TMEM131L: variants seen among roughly 807,000 people sequenced by gnomAD.
TMEM131L encodes transmembrane 131 like.
In TMEM131L, 54 loss-of-function variants were observed where a neutral mutation model predicts 192.2. The observed-to-expected ratio is 0.28, with a 90% CI of 0.23 to 0.35. The LOEUF (loss-of-function observed/expected upper bound fraction) is 0.35. Among genes scored for constraint, TMEM131L ranks in the 10% least tolerant of loss-of-function variants. TMEM131L has a pLI of 1.00. For missense variants in TMEM131L, 1,888 were observed against 1,972.9 expected, an observed-to-expected ratio of 0.96 and a Z score of 0.82; for synonymous variants, 701 against 704.9, an observed-to-expected ratio of 0.99 and a Z score of 0.09.
rs1737492583 is a variant in TMEM131L, at chr4:153,550,066, T to C, written c.240-7T>C. 1.4e-6 allele frequency: 2 copies of C among 1,445,254 alleles called. No individual in the cohort carries two copies. Among genetic ancestry groups the C allele is most frequent in the Non-Finnish European group, 1.8e-6 (2 of 1,081,856 alleles). The allele number at this position is 1,445,254 out of a possible 1,614,324, so 89.5% of individuals were successfully genotyped here. A position where few individuals can be genotyped will look rare whatever the true frequency, so the allele number is the denominator to read the frequency against. On this transcript the variant is annotated splice_region_variant and splice_polypyrimidine_tract_variant and intron_variant, in intron 3 of 34. Coordinates refer to ENST00000409959, the MANE Select transcript of TMEM131L (RefSeq NM_001131007.2). ...CAACAAAATCAACCTCTCTTTTCTT[T>C]TTTTAGCTTCTCGGACAAACTATTT...
intron 3 of TMEM131L, among the ~76,000 whole-genome samples, chr4:153,482,601 T>G (rs988331626): frequency 2.0e-5 from 3 of 152,202 alleles, no homozygotes; most frequent in East Asian, 1.9e-4. Context: ...TTTATTTTAT[T>G]TATTTTTTGA....
Position 153,634,286 on chromosome 4 carries a change from G to A in TMEM131L, c.4417+6G>A. 1 of 1,600,984 alleles carries A rather than the reference G, an allele frequency of 6.2e-7. No individual in the cohort carries two copies. The highest frequency in any genetic ancestry group is 8.5e-7 in the Non-Finnish European group (1 of 1,172,800). On this transcript the variant is annotated splice_donor_region_variant and intron_variant, in intron 33 of 34. Coordinates refer to ENST00000409959, the MANE Select transcript of TMEM131L (RefSeq NM_001131007.2). Reference sequence around the variant, plus strand: ...TTACAATGCCTTTCCAGAAGGTAAGGGCTCTTCAGACAATCCCAACGCCAT... The same window carrying A: ...TTACAATGCCTTTCCAGAAGGTAAGAGCTCTTCAGACAATCCCAACGCCAT...
At chr4:153,507,148 ACAC>A (rs1734048557) in intron 3 of TMEM131L, among the ~76,000 whole-genome samples, 1 of 152,146 alleles carries the variant, frequency 6.6e-6, no homozygotes, top group Non-Finnish European at 1.5e-5. Context: ...GCCTTGAACA[ACAC>A]CACGGGAAGC....
intron 29 of TMEM131L, among the ~76,000 whole-genome samples, chr4:153,623,351 A>G (rs1188897742): frequency 6.6e-6 from 1 of 152,158 alleles, no homozygotes; most frequent in Admixed American, 6.5e-5. Context: ...TCATTTGTAC[A>G]TTCTTAATGA....
intron 3 of TMEM131L, among the ~76,000 whole-genome samples, chr4:153,517,859 G>A (rs1270286146): frequency 1.3e-5 from 2 of 152,164 alleles, no homozygotes; most frequent in Non-Finnish European, 2.9e-5. Flanking sequence ...CACCCAAATA[G>A]CCTCTCTCCT....
chr4:153,636,015 C>T (rs1170566398), intron 34 of TMEM131L, among the ~76,000 whole-genome samples: 1 of 152,102 alleles, frequency 6.6e-6, no homozygotes, highest in Non-Finnish European at 1.5e-5. Context: ...CCGATGGCTT[C>T]TCCTTTCACA....
intron 7 of TMEM131L, among the ~76,000 whole-genome samples, chr4:153,564,250 T>C (rs928057406): frequency 3.5e-5 from 5 of 141,980 alleles, no homozygotes; most frequent in African/African-American, 1.4e-4. Flanking sequence ...GATCATCTTA[T>C]TGCACTCCAG....
chr4:153,492,348 A>G (rs1419947060), intron 3 of TMEM131L, among the ~76,000 whole-genome samples: 1 of 152,232 alleles, frequency 6.6e-6, no homozygotes, highest in Non-Finnish European at 1.5e-5. Flanking sequence ...TAAATTAAAA[A>G]TAGAGTTTGA....
intron 10 of TMEM131L, 48 bp downstream of exon 10, chr4:153,583,296 C>A: frequency 1.0e-6 from 1 of 958,892 alleles, no homozygotes; most frequent in Non-Finnish European, 1.7e-6. Flanking sequence ...TGCAAGTGTG[C>A]ATTTAATTGT....
At chr4:153,560,803 A>G (rs754571492) in intron 7 of TMEM131L, among the ~76,000 whole-genome samples, 3 of 152,214 alleles carry the variant, frequency 2.0e-5, no homozygotes, top group Non-Finnish European at 4.4e-5. Context: ...CAATTGGTGG[A>G]CATTTGCGTT....
At chr4:153,475,756 TTTACATAGCATTC>T (rs1400327273) in intron 3 of TMEM131L, among the ~76,000 whole-genome samples, 1 of 152,180 alleles carries the variant, frequency 6.6e-6, no homozygotes, top group Non-Finnish European at 1.5e-5. Flanking sequence ...ATAAAAACTA[TTTACATAGCATTC>T]ACATTGTATT....
At chr4:153,572,967 C>T (rs1331273446) in intron 7 of TMEM131L, among the ~76,000 whole-genome samples, 1 of 152,114 alleles carries the variant, frequency 6.6e-6, no homozygotes, top group Non-Finnish European at 1.5e-5. Flanking sequence ...GTATTTGTCC[C>T]TTTGTGTTTG....
At chr4:153,484,150 G>A (rs1258790334) in intron 3 of TMEM131L, among the ~76,000 whole-genome samples, 4 of 152,168 alleles carry the variant, frequency 2.6e-5, no homozygotes, top group African/African-American at 9.7e-5. Flanking sequence ...ATTGTCACCA[G>A]AGTATTAGTT....
At chr4:153,466,707 C>G (rs918509723) in intron 1 of TMEM131L, among the ~76,000 whole-genome samples, 186 bp downstream of exon 1, 3 of 152,196 alleles carry the variant, frequency 2.0e-5, no homozygotes, top group African/African-American at 7.2e-5. Context: ...CCGCGCCTCT[C>G]TGCCCCGTAC....
intron 4 of TMEM131L, among the ~76,000 whole-genome samples, chr4:153,554,390 A>G (rs544193087): frequency 1.9e-4 from 29 of 152,238 alleles, no homozygotes; most frequent in Non-Finnish European, 3.8e-4. Context: ...GTTTTGAAAT[A>G]CACATTGGAT....
chr4:153,466,423 C>T lies in TMEM131L; in HGVS notation c.26C>T (p.Pro9Leu), dbSNP rs748096860. The part of the protein sequence containing the change: MAGLRRPQ[P>L]GCYCRTAAAV... ...ATGGCGGGGCTCCGACGCCCGCAGC[C>T]CGGCTGCTACTGCCGCACCGCGGCG... Residue 9 changes from proline (P) to leucine (L), a missense_variant, in exon 1 of 35, where the codon CCC (proline) becomes CTC (leucine). Coordinates refer to ENST00000409959, the MANE Select transcript of TMEM131L (RefSeq NM_001131007.2). The T allele has an allele frequency of 5.3e-5, 73 of 1,386,074 alleles. No individual in the cohort carries two copies. The highest frequency in any genetic ancestry group is 6.3e-5 in the Non-Finnish European group (67 of 1,062,392). 85.9% of individuals were successfully genotyped at this position (1,386,074 alleles called of 1,614,324 possible). A position where few individuals can be genotyped will look rare whatever the true frequency, so the allele number is the denominator to read the frequency against.
intron 3 of TMEM131L, among the ~76,000 whole-genome samples, chr4:153,497,027 G>C (rs1219252360): frequency 6.6e-6 from 1 of 151,438 alleles, no homozygotes; most frequent in East Asian, 1.9e-4. Flanking sequence ...TGCCCAGCTA[G>C]TTTTTGTGTT....
chr4:153,501,130 GA>G (rs1733575404), intron 3 of TMEM131L, among the ~76,000 whole-genome samples: 1 of 150,770 alleles, frequency 6.6e-6, no homozygotes, highest in South Asian at 2.1e-4. Context: ...AGAATAGCAA[GA>G]ATAATGACCA....
At chr4:153,553,018 G>A (rs1471502032) in intron 4 of TMEM131L, among the ~76,000 whole-genome samples, 2 of 150,930 alleles carry the variant, frequency 1.3e-5, no homozygotes, top group East Asian at 3.9e-4. Context: ...AACTGTATAT[G>A]ATACACTTTT....
Sources: gnomAD v4.1 joint callset for allele counts (sites outside exome capture counted in the v4.1 genomes callset) on GRCh38, gnomAD v4.1.1 for gene constraint, MANE v1.5 for transcripts, NCBI Gene and HGNC (gene_info 2026-07-23, HGNC 2026-07-21) for gene names.